ALDH1L1: variants seen among roughly 807,000 people sequenced by gnomAD.
The protein encoded by ALDH1L1 is cytosolic 10-formyltetrahydrofolate dehydrogenase.
ALDH1L1 carries 68 observed loss-of-function variants against 101.1 expected under a neutral mutation model. The ratio of observed to expected loss-of-function variants is 0.67; its 90% confidence interval spans 0.55 to 0.82. The LOEUF is 0.82. Among genes scored for constraint, ALDH1L1 ranks in the 40% least tolerant of loss-of-function variants. The pLI, the probability that ALDH1L1 is intolerant of heterozygous loss-of-function variation, is 0.00. For synonymous variants in ALDH1L1, 486 were observed against 470.8 expected, an observed-to-expected ratio of 1.03 and a Z score of -0.42; for missense variants, 1,087 against 1,172.7, an observed-to-expected ratio of 0.93 and a Z score of 1.07.
intron 15 of ALDH1L1, among the ~76,000 whole-genome samples, 182 bp from the exon 16 acceptor site, chr3:126,124,633 G>A (rs1317181045): frequency 2.0e-5 from 3 of 152,072 alleles, no homozygotes; most frequent in South Asian, 2.1e-4. Context: ...CAGCCGGTGC[G>A]CCCACAGCAC....
At chr3:126,181,183 C>T (rs2081470559), upstream of ALDH1L1, 2 of 634,314 alleles carry the variant, frequency 3.2e-6, no homozygotes, top group South Asian at 1.9e-5. Context: ...CCTGGTGCCG[C>T]AGACCCCTCC....
intron 13 of ALDH1L1, 72 bp downstream of exon 13, chr3:126,131,312 T>C: frequency 6.8e-7 from 1 of 1,464,214 alleles, no homozygotes; most frequent in Non-Finnish European, 9.2e-7. Context: ...ATGACTGTGC[T>C]GCCCTTGGAG....
At chr3:126,180,698 C>G (rs1373328422), upstream of ALDH1L1, 6 of 1,385,544 alleles carry the variant, frequency 4.3e-6, no homozygotes, top group Non-Finnish European at 3.7e-6. Flanking sequence ...GGGACTATGG[C>G]GGGAGCGCAG....
chr3:126,149,663 T>C (rs1465872768), intron 8 of ALDH1L1, among the ~76,000 whole-genome samples: 1 of 152,222 alleles, frequency 6.6e-6, no homozygotes, highest in African/African-American at 2.4e-5. Context: ...GCCGCACATG[T>C]GCTGTTAACA....
intron 1 of ALDH1L1, among the ~76,000 whole-genome samples, chr3:126,176,704 GA>G (rs921232465): frequency 2.6e-5 from 4 of 151,732 alleles, no homozygotes; most frequent in South Asian, 2.1e-4. Context: ...ATTCATGGAG[GA>G]AAAAAAATGG....
chr3:126,170,827 G>A (rs914467102), intron 1 of ALDH1L1, among the ~76,000 whole-genome samples: 7 of 152,292 alleles, frequency 4.6e-5, no homozygotes, highest in African/African-American at 1.4e-4. Flanking sequence ...CAGCCAGAAA[G>A]AGCAGACAGT....
At chr3:126,174,472 A>G (rs1251139582) in intron 1 of ALDH1L1, among the ~76,000 whole-genome samples, 1 of 152,266 alleles carries the variant, frequency 6.6e-6, no homozygotes, top group East Asian at 1.9e-4. Flanking sequence ...TCAAGTTCAC[A>G]TGGAATATTC....
rs944786029 is a variant in ALDH1L1 at position 126,158,617 on chromosome 3, T to C, written c.150A>G (p.Gly50=). ...ACCGGGAGTACTTGAATACCGGCACTCCATCCTTCTCAGCTTCCAGACCTG... is the reference window on the plus strand; with the variant it reads ...ACCGGGAGTACTTGAATACCGGCACCCCATCCTTCTCAGCTTCCAGACCTG... ...DPLGLEAEKD[G]VPVFKYSRWR... The change falls in exon 3 of 23, where the codon GGA becomes GGG. Residue 50 remains glycine (G), a synonymous_variant. Coordinates refer to ENST00000393434, the MANE Select transcript of ALDH1L1 (RefSeq NM_012190.4). 1.3e-5 allele frequency: 21 copies of C among 1,612,828 alleles called. No individual in the cohort carries two copies. Among genetic ancestry groups the C allele is most frequent in the African/African-American group, 8.0e-5 (6 of 74,884 alleles).
At chr3:126,104,004 C>G in intron 22 of ALDH1L1, 158 bp from the exon 23 acceptor site, 1 of 744,116 alleles carries the variant, frequency 1.3e-6, no homozygotes, top group South Asian at 1.7e-5. Context: ...GAATCTTACC[C>G]AGGTTATCCC....
At chr3:126,135,433 G>T in intron 12 of ALDH1L1, 102 bp downstream of exon 12, 1 of 1,505,894 alleles carries the variant, frequency 6.6e-7, no homozygotes, top group Non-Finnish European at 8.9e-7. Context: ...CCAGGACCCA[G>T]CTCCTCCTGG....
intron 1 of ALDH1L1, among the ~76,000 whole-genome samples, chr3:126,170,115 G>A (rs188912267): frequency 1.8e-4 from 27 of 152,230 alleles, no homozygotes; most frequent in Admixed American, 7.8e-4. Context: ...AAGTAACTAA[G>A]TAAAAATTGC....
At chr3:126,140,087 G>C (rs1217517706) in intron 9 of ALDH1L1, among the ~76,000 whole-genome samples, 1 of 152,116 alleles carries the variant, frequency 6.6e-6, no homozygotes, top group African/African-American at 2.4e-5. Context: ...CAGGATCAAA[G>C]AGATCCACAC....
In ALDH1L1 at chr3:126,131,588, C is replaced by G. The variant is rs879559203; in HGVS notation, c.1473-54G>C. Reference sequence around the variant, plus strand: ...GGGCTCAGGCCTGGCACGGCCTCATCTGCCCTCACAAGGCCCTTCTTCAAG... The same window carrying G: ...GGGCTCAGGCCTGGCACGGCCTCATGTGCCCTCACAAGGCCCTTCTTCAAG... On this transcript the variant is annotated intron_variant, in intron 12 of 22. Transcript: ENST00000393434. 15 of 1,565,074 alleles carry G rather than the reference C, an allele frequency of 9.6e-6. No homozygotes were observed. In the Middle Eastern group the frequency reaches 1.8e-3, roughly 189 times the overall value.
chr3:126,181,106 G>C (rs1303023733), upstream of ALDH1L1: 3 of 1,121,874 alleles, frequency 2.7e-6, no homozygotes, highest in Non-Finnish European at 1.3e-6. Context: ...CCGCCTCTCC[G>C]AGAGAAAAAC....
rs558238845 is a variant in ALDH1L1, at chr3:126,153,315, T to C, written c.858+129A>G. The C allele has an allele frequency of 9.1e-6, 13 of 1,428,316 alleles. No homozygotes were observed. In the East Asian group the frequency reaches 1.6e-4, roughly 18 times the overall value. 88.5% of individuals were successfully genotyped at this position (1,428,316 alleles called of 1,614,324 possible). A position where few individuals can be genotyped will look rare whatever the true frequency, so the allele number is the denominator to read the frequency against. ...GTGGTCAGGGACAAATCAGGGTCAG[T>C]GTTCCTTCCTGGGTCTGGTTTTTTC... On this transcript the variant is annotated intron_variant, in intron 7 of 22. Coordinates refer to ENST00000393434, the MANE Select transcript of ALDH1L1 (RefSeq NM_012190.4).
chr3:126,119,064 T>C (rs997185898), intron 16 of ALDH1L1, among the ~76,000 whole-genome samples: 24 of 152,262 alleles, frequency 1.6e-4, no homozygotes, highest in African/African-American at 5.1e-4. Flanking sequence ...ATTCGACTCT[T>C]ACTTCTCTGA....
At chr3:126,106,903 AAGGAC>A (rs367627352) in intron 21 of ALDH1L1, among the ~76,000 whole-genome samples, 3 of 152,354 alleles carry the variant, frequency 2.0e-5, no homozygotes, top group Admixed American at 6.5e-5. Flanking sequence ...GACAAGTGAC[AAGGAC>A]AGGGAAGGGA....
chr3:126,140,857 G>C (rs537350929), intron 9 of ALDH1L1, among the ~76,000 whole-genome samples: 4 of 151,932 alleles, frequency 2.6e-5, no homozygotes, highest in African/African-American at 9.7e-5. Context: ...AAAAAGGACA[G>C]TATAGAGAAA....
intron 1 of ALDH1L1, among the ~76,000 whole-genome samples, chr3:126,171,598 A>C (rs529549094): frequency 6.6e-6 from 1 of 152,304 alleles, no homozygotes; most frequent in East Asian, 1.9e-4. Context: ...TTCTCACAGT[A>C]AGGATTGGAG....
Sources: gnomAD v4.1 joint callset for allele counts (sites outside exome capture counted in the v4.1 genomes callset) on GRCh38, gnomAD v4.1.1 for gene constraint, MANE v1.5 for transcripts, NCBI Gene and HGNC (gene_info 2026-07-23, HGNC 2026-07-21) for gene names.